The following NSUN6 variants were observed in gnomAD, a reference collection of about 807,000 sequenced individuals.
The protein encoded by NSUN6 is tRNA (cytosine(72)-C(5))-methyltransferase NSUN6.
NSUN6 carries 64 observed loss-of-function variants against 58.0 expected under a neutral mutation model. The observed-to-expected ratio is 1.10, with a 90% confidence interval of 0.90 to 1.36. The LOEUF is 1.36. NSUN6 is among the 40% of genes most tolerant of loss of function. The pLI is 0.00. For synonymous variants in NSUN6, 231 were observed against 193.9 expected, an observed-to-expected ratio of 1.19 and a Z score of -1.59; for missense variants, 701 against 550.1, an observed-to-expected ratio of 1.27 and a Z score of -2.74.
intron 8 of NSUN6, among the ~76,000 whole-genome samples, chr10:18,562,088 T>C (rs567126014): frequency 5.5e-4 from 80 of 144,844 alleles, no homozygotes; most frequent in Non-Finnish European, 1.5e-5. Context: ...AAGTGGAGAA[T>C]GGAGTGGAAT....
chr10:18,556,379 T>A (rs2055022419), intron 8 of NSUN6, among the ~76,000 whole-genome samples: 1 of 141,302 alleles, frequency 7.1e-6, no homozygotes. Flanking sequence ...TGGAAGGCAA[T>A]GGAATGAAGA....
chr10:18,615,258 C>A (rs1258571786), intron 4 of NSUN6, among the ~76,000 whole-genome samples: 1 of 152,018 alleles, frequency 6.6e-6, no homozygotes, highest in Non-Finnish European at 1.5e-5. Flanking sequence ...TTTTCTGTAA[C>A]AACTCTCAGT....
chr10:18,605,411 G>T (rs1232454548), intron 6 of NSUN6, among the ~76,000 whole-genome samples: 1 of 152,122 alleles, frequency 6.6e-6, no homozygotes, highest in Non-Finnish European at 1.5e-5. Flanking sequence ...CTCTTATATT[G>T]AAGTGCCCAT....
intron 5 of NSUN6, among the ~76,000 whole-genome samples, chr10:18,611,505 A>G (rs2058234564): frequency 6.6e-6 from 1 of 152,010 alleles, no homozygotes; most frequent in Non-Finnish European, 1.5e-5. Flanking sequence ...TATGACTATA[A>G]ACTCCCCTCG....
rs538230286 is a variant in NSUN6, at chr10:18,627,645, G to T, written c.312-11352C>A. On this transcript the variant is annotated intron_variant, in intron 3 of 10. Transcript: ENST00000377304. ...TTCCCTTTCCTAGTCAAAGAAAGGG[G>T]TGACAGACGGCACCTGGAAAATTGG... 4.3e-4 allele frequency among the ~76,000 whole-genome samples: 66 copies of T among 152,334 alleles called. 2 individuals carry two copies. Among genetic ancestry groups the T allele is most frequent in the Admixed American group, 2.4e-3 (36 of 15,302 alleles).
rs919556495 is a variant in NSUN6, at chr10:18,642,538, A to G, written c.249T>C (p.Ser83=). ...DELQKQFNGL[S]VPILQHPDLQ... ...GGTCTGGATGTTGAAGAATAGGAAC[A>G]CTTAATCCATTAAACTGCTGTTAAA... is the stretch of plus-strand genomic sequence containing the variant. Residue 83 remains serine, a synonymous_variant, in exon 3 of 11, where the codon AGT becomes AGC. Coordinates refer to ENST00000377304, the MANE Select transcript of NSUN6 (RefSeq NM_182543.5). 2 of 1,517,492 alleles carry G rather than the reference A, an allele frequency of 1.3e-6. No individual in the cohort carries two copies. Among genetic ancestry groups the G allele is most frequent in the Non-Finnish European group, 1.8e-6 (2 of 1,093,074 alleles). 94.0% of individuals were successfully genotyped at this position (1,517,492 alleles called of 1,614,324 possible).
intron 8 of NSUN6, among the ~76,000 whole-genome samples, chr10:18,570,409 CTTCCATTCTCCATTCCATTCTCCATTCCA>C: frequency 6.7e-6 from 1 of 148,558 alleles, no homozygotes; most frequent in Non-Finnish European, 1.5e-5. Flanking sequence ...ATTCCATTCC[CTTCCATTCTCCATTCCATTCTCCATTCCA>C]TTCCATTCTC....
At chr10:18,639,700 AGAAT>A (rs1395328947) in intron 3 of NSUN6, among the ~76,000 whole-genome samples, 2 of 152,236 alleles carry the variant, frequency 1.3e-5, no homozygotes, top group Non-Finnish European at 2.9e-5. Flanking sequence ...TACAAAGAAC[AGAAT>A]GAAAGGATGA....
At chr10:18,647,962 G>C (rs1229470378) in intron 2 of NSUN6, among the ~76,000 whole-genome samples, 1 of 152,030 alleles carries the variant, frequency 6.6e-6, no homozygotes, top group Non-Finnish European at 1.5e-5. Context: ...TGGTCCCAAA[G>C]TCCTGGCCTC....
intron 2 of NSUN6, among the ~76,000 whole-genome samples, chr10:18,643,159 G>GT (rs889743918): frequency 5.3e-5 from 8 of 151,752 alleles, no homozygotes; most frequent in Non-Finnish European, 1.2e-4. Context: ...AGGGAACATG[G>GT]TGAGTATTTA....
intron 8 of NSUN6, among the ~76,000 whole-genome samples, chr10:18,566,286 TCCCATTCTATTCCATTC>T (rs1010269446): frequency 7.6e-6 from 1 of 132,358 alleles, no homozygotes; most frequent in African/African-American, 2.7e-5. Context: ...CCATTCTCCA[TCCCATTCTATTCCATTC>T]TCCATTCTTT....
At chr10:18,631,182 G>A (rs1479220514) in intron 3 of NSUN6, among the ~76,000 whole-genome samples, 1 of 152,010 alleles carries the variant, frequency 6.6e-6, no homozygotes, top group Non-Finnish European at 1.5e-5. Context: ...ATGCAGAAAA[G>A]GCCTTTGACA....
intron 8 of NSUN6, among the ~76,000 whole-genome samples, chr10:18,555,321 G>A (rs938451774): frequency 2.0e-5 from 3 of 150,608 alleles, no homozygotes; most frequent in Non-Finnish European, 3.0e-5. Context: ...AGAGTGGAAT[G>A]GAGAATGGAA....
chr10:18,638,070 A>G (rs1239826613), intron 3 of NSUN6, among the ~76,000 whole-genome samples: 1 of 152,224 alleles, frequency 6.6e-6, no homozygotes, highest in African/African-American at 2.4e-5. Context: ...GCTTCTATAA[A>G]GAAAAACCTA....
chr10:18,624,854 A>C (rs2058735732), intron 3 of NSUN6, among the ~76,000 whole-genome samples: 1 of 152,130 alleles, frequency 6.6e-6, no homozygotes, highest in Non-Finnish European at 1.5e-5. Flanking sequence ...CCCTAATGAT[A>C]AATAAGAGTG....
chr10:18,634,805 G>T (rs2059158285), intron 3 of NSUN6, among the ~76,000 whole-genome samples: 1 of 150,704 alleles, frequency 6.6e-6, no homozygotes, highest in African/African-American at 2.4e-5. Flanking sequence ...GAATGCAGAA[G>T]AAAAAGATCA....
chr10:18,649,878 T>C (rs771556301), intron 1 of NSUN6, among the ~76,000 whole-genome samples: 9 of 152,170 alleles, frequency 5.9e-5, no homozygotes, highest in Non-Finnish European at 1.3e-4. Context: ...ATCAACAGAA[T>C]ATATTTTCTC....
At chr10:18,599,126 C>A (rs1233530122) in intron 6 of NSUN6, among the ~76,000 whole-genome samples, 2 of 152,208 alleles carry the variant, frequency 1.3e-5, no homozygotes, top group African/African-American at 4.8e-5. Context: ...CCACCTTGAA[C>A]TCTTGGGCTC....
At chr10:18,640,559 A>C (rs1031567793) in intron 3 of NSUN6, among the ~76,000 whole-genome samples, 24 of 152,286 alleles carry the variant, frequency 1.6e-4, no homozygotes, top group African/African-American at 5.8e-4. Context: ...GTAGCAGCTA[A>C]CTGGTCCAAA....
Sources: gnomAD v4.1 joint callset for allele counts (sites outside exome capture counted in the v4.1 genomes callset) on GRCh38, gnomAD v4.1.1 for gene constraint, MANE v1.5 for transcripts, NCBI Gene and HGNC (gene_info 2026-07-23, HGNC 2026-07-21) for gene names.